Variants in PRAG1 observed in about 807,000 individuals in gnomAD.
PRAG1 encodes PEAK1 related, kinase-activating pseudokinase 1, also known as inactive tyrosine-protein kinase PRAG1.
Under a neutral mutation model 95.6 loss-of-function variants are expected in PRAG1, and 110 were observed. The observed-to-expected ratio is 1.15, with a 90% confidence interval of 0.99 to 1.35. PRAG1 has a LOEUF of 1.35. Ranked by LOEUF, PRAG1 falls within the 40% of genes most tolerant of loss-of-function variation. PRAG1 has a pLI of 0.00. For missense variants in PRAG1, 2,554 were observed against 1,864.7 expected, an observed-to-expected ratio of 1.37 and a Z score of -6.81; for synonymous variants, 1,052 against 819.4, an observed-to-expected ratio of 1.28 and a Z score of -4.85.
chr8:8,365,637 A>G (rs1305162795), intron 3 of PRAG1, among the ~76,000 whole-genome samples: 1 of 151,578 alleles, frequency 6.6e-6, no homozygotes, highest in Non-Finnish European at 1.5e-5. Context: ...AAATAAATAA[A>G]TAAATAAATA....
Position 8,339,534 on chromosome 8 carries a change from A to T in PRAG1, c.2264T>A (p.Phe755Tyr). Residue 755 changes from phenylalanine to tyrosine, a missense_variant, in exon 4 of 6, where the codon TTC (phenylalanine) becomes TAC (tyrosine). By Grantham distance (22) the Phe-to-Tyr change is conservative. Transcript: ENST00000615670. ...CAGGCTGTCCGTGGAGCCGGTGGTG[A>T]AGCTGACGTGGACACCCCTGAAGGA... ...SPSFRGVHVS[F>Y]TTGSTDSLAS... is the part of the protein sequence containing the mutation. 1 of 1,614,138 alleles carries T rather than the reference A, an allele frequency of 6.2e-7. No homozygotes were observed. The highest frequency in any genetic ancestry group is 8.5e-7 in the Non-Finnish European group (1 of 1,180,022).
intron 5 of PRAG1, among the ~76,000 whole-genome samples, chr8:8,320,607 G>A (rs921093895): frequency 1.3e-5 from 2 of 152,180 alleles, no homozygotes; most frequent in African/African-American, 4.8e-5. Context: ...AGGCTTTGTA[G>A]AAAGACAAAG....
chr8:8,376,672 G>A lies in PRAG1; in HGVS notation c.1737C>T (p.Gly579=), dbSNP rs769638711. The A allele has an allele frequency of 9.3e-6, 15 of 1,611,096 alleles. No individual in the cohort carries two copies. The highest frequency in any genetic ancestry group is 4.0e-5 in the African/African-American group (3 of 74,908). ...PLADLSDGSS[G]GSSIGPQPPS... ...GAGGCTGGGGCCCAATGCTGCTGCC[G>A]CCAGAGCTCCCATCACTAAGGTCAG... is the stretch of plus-strand genomic sequence containing the variant. The change falls in exon 3 of 6, where the codon GGC becomes GGT. Residue 579 remains glycine (G), a synonymous_variant. Coordinates refer to ENST00000615670, the MANE Select transcript of PRAG1 (RefSeq NM_001080826.3).
At chr8:8,349,813 T>G (rs148456896) in intron 3 of PRAG1, among the ~76,000 whole-genome samples, 1 of 152,156 alleles carries the variant, frequency 6.6e-6, no homozygotes, top group Non-Finnish European at 1.5e-5. Flanking sequence ...TTTCAGTTAA[T>G]GCACTAGTGA....
chr8:8,340,398 C>T (rs928336758), intron 3 of PRAG1, among the ~76,000 whole-genome samples: 1 of 152,248 alleles, frequency 6.6e-6, no homozygotes, highest in African/African-American at 2.4e-5. Flanking sequence ...CTCCTTCCCA[C>T]TTTCCAAGGG....
In PRAG1 at chr8:8,342,661, A is replaced by G. The variant is rs566282882; in HGVS notation, c.2163-3026T>C. Reference sequence around the variant, plus strand: ...TTTCCAGGACACAGACCCAAGAAACAGACTGGAGGATTAACAAGTCAATTC... The same window carrying G: ...TTTCCAGGACACAGACCCAAGAAACGGACTGGAGGATTAACAAGTCAATTC... On this transcript the variant is annotated intron_variant, in intron 3 of 5. Coordinates refer to ENST00000615670, the MANE Select transcript of PRAG1 (RefSeq NM_001080826.3). Among the ~76,000 whole-genome samples the G allele has an allele frequency of 3.3e-5, 5 of 152,310 alleles. No homozygotes were observed. In the East Asian group the frequency reaches 9.6e-4, roughly 29 times the overall value.
chr8:8,381,604 C>A lies in PRAG1; in HGVS notation c.144G>T (p.Gln48His). Residue 48 changes from glutamine to histidine, a missense_variant, in exon 2 of 6, where the codon CAG (glutamine) becomes CAT (histidine). Physicochemically the swap from Gln to His is conservative, Grantham distance 24. Transcript: ENST00000615670. ...GAGGGGGCAGGCTGCCCGCTCTGGG[C>A]TGGGGAGGGCCGGCCACCAGCTGGT... ...SDHQLVAGPP[Q>H]PRAGSLPPPP... The A allele has an allele frequency of 2.5e-6, 4 of 1,613,940 alleles. No individual in the cohort carries two copies. Among genetic ancestry groups the A allele is most frequent in the Non-Finnish European group, 3.4e-6 (4 of 1,179,906 alleles).
intron 3 of PRAG1, among the ~76,000 whole-genome samples, chr8:8,345,259 C>A (rs1011801422): frequency 6.6e-6 from 1 of 151,216 alleles, no homozygotes; most frequent in Non-Finnish European, 1.5e-5. Context: ...GACCAGGCAT[C>A]GTGGCCCAAG....
chr8:8,321,633 A>T (rs1798474532), intron 5 of PRAG1, among the ~76,000 whole-genome samples: 1 of 152,186 alleles, frequency 6.6e-6, no homozygotes, highest in Non-Finnish European at 1.5e-5. Flanking sequence ...ATTAAATCCA[A>T]GGAGGAAGAT....
At chr8:8,327,377 C>T (rs543889835) in intron 5 of PRAG1, among the ~76,000 whole-genome samples, 167 of 152,176 alleles carry the variant, frequency 1.1e-3, no homozygotes, top group African/African-American at 3.3e-3. Context: ...CAAGACCAGC[C>T]GGGCCAATAT....
chr8:8,373,585 G>C (rs1291648794), intron 3 of PRAG1, among the ~76,000 whole-genome samples: 5 of 151,856 alleles, frequency 3.3e-5, no homozygotes, highest in Non-Finnish European at 4.4e-5. Flanking sequence ...GAGAAGCTGG[G>C]ATGACAGGCA....
At chr8:8,352,645 C>G (rs1799559518) in intron 3 of PRAG1, among the ~76,000 whole-genome samples, 1 of 152,202 alleles carries the variant, frequency 6.6e-6, no homozygotes, top group African/African-American at 2.4e-5. Flanking sequence ...ATTAATGACA[C>G]ATTTTTACAT....
chr8:8,377,801 G>T lies in PRAG1; in HGVS notation c.608C>A (p.Thr203Asn). The T allele has an allele frequency of 1.9e-6, 3 of 1,614,186 alleles. No individual in the cohort carries two copies. Among genetic ancestry groups the T allele is most frequent in the Non-Finnish European group, 2.5e-6 (3 of 1,180,048 alleles). ...PSFPYQDRPS[T>N]QESFRQKLAA... ...CAGTTTCTGGCGGAAGCTCTCCTGG[G>T]TGGAGGGCCGGTCTTGGTAAGGAAA... The change falls in exon 3 of 6, where the codon ACC becomes AAC. Residue 203 changes from threonine (T) to asparagine (N), a missense_variant. Physicochemically the swap from Thr to Asn is moderately conservative, Grantham distance 65. Coordinates refer to ENST00000615670, the MANE Select transcript of PRAG1 (RefSeq NM_001080826.3).
chr8:8,328,920 A>G (rs1223505044), intron 4 of PRAG1, among the ~76,000 whole-genome samples: 2 of 152,270 alleles, frequency 1.3e-5, no homozygotes, highest in East Asian at 1.9e-4. Context: ...CAGTCTCACC[A>G]TAATATATCA....
At chr8:8,328,612 T>C (rs1019635949) in intron 4 of PRAG1, 151 bp from the exon 5 acceptor site, 6 of 898,308 alleles carry the variant, frequency 6.7e-6, no homozygotes, top group African/African-American at 3.4e-5. Flanking sequence ...AGACAATATA[T>C]GCACAATGGA....
rs1198854632 is a variant in PRAG1 at position 8,377,186 on chromosome 8, T to C, written c.1223A>G (p.Gln408Arg). Residue 408 changes from glutamine to arginine, a missense_variant, in exon 3 of 6, where the codon CAG (glutamine) becomes CGG (arginine). Physicochemically the swap from Gln to Arg is conservative, Grantham distance 43. Transcript: ENST00000615670. ...QPPAHPREAT[Q>R]PEPIYAESTK... ...GCTCTCAGCATAGATGGGTTCAGGC[T>C]GTGTAGCCTCCCGGGGGTGGGCCGG... 1.1e-5 allele frequency: 17 copies of C among 1,611,660 alleles called. No individual in the cohort carries two copies. Among genetic ancestry groups the C allele is most frequent in the African/African-American group, 1.3e-5 (1 of 74,924 alleles).
At chr8:8,364,384 T>C (rs1400194949) in intron 3 of PRAG1, among the ~76,000 whole-genome samples, 4 of 152,170 alleles carry the variant, frequency 2.6e-5, no homozygotes, top group Non-Finnish European at 5.9e-5. Flanking sequence ...TCTGCTTGAA[T>C]TACAAGAGCA....
At chr8:8,358,934 A>T (rs1799765641) in intron 3 of PRAG1, among the ~76,000 whole-genome samples, 1 of 152,252 alleles carries the variant, frequency 6.6e-6, no homozygotes, top group South Asian at 2.1e-4. Context: ...AACATTTCCA[A>T]ATAAGGAAGG....
Position 8,319,097 on chromosome 8 carries a change from C to A in PRAG1, c.3278G>T (p.Arg1093Leu). The A allele has an allele frequency of 1.9e-6, 3 of 1,609,872 alleles. No homozygotes were observed. Among genetic ancestry groups the A allele is most frequent in the Non-Finnish European group, 2.5e-6 (3 of 1,179,442 alleles). Residue 1093 changes from arginine to leucine, a missense_variant, in exon 6 of 6, where the codon CGA becomes CTA. Coordinates refer to ENST00000615670, the MANE Select transcript of PRAG1 (RefSeq NM_001080826.3). ...QEQDCVVVIT[R>L]EVPHQTASDF... ...GGAGGCGGTCTGATGTGGCACCTCT[C>A]GGGTGATGACCACCACGCAGTCCTG... is the stretch of plus-strand genomic sequence containing the variant.
Sources: gnomAD v4.1 joint callset for allele counts (sites outside exome capture counted in the v4.1 genomes callset) on GRCh38, gnomAD v4.1.1 for gene constraint, MANE v1.5 for transcripts, NCBI Gene and HGNC (gene_info 2026-07-23, HGNC 2026-07-21) for gene names.